The following JAKMIP1 variants were observed in gnomAD, a reference collection of about 807,000 sequenced individuals.
The protein encoded by JAKMIP1 is janus kinase and microtubule interacting protein 1.
In JAKMIP1, 33 loss-of-function variants were observed where a neutral mutation model predicts 113.0. The ratio of observed to expected loss-of-function variants is 0.29; its 90% CI spans 0.22 to 0.39. The LOEUF is 0.39. Ranked by LOEUF, JAKMIP1 falls within the 10% of genes least tolerant of loss-of-function variation. The pLI is 1.00. For synonymous variants in JAKMIP1, 480 were observed against 459.9 expected, an observed-to-expected ratio of 1.04 and a Z score of -0.56; for missense variants, 813 against 1,080.5, an observed-to-expected ratio of 0.75 and a Z score of 3.47.
chr4:6,087,255 C>T (rs557419285), intron 3 of JAKMIP1, among the ~76,000 whole-genome samples: 5 of 151,760 alleles, frequency 3.3e-5, no homozygotes, highest in Admixed American at 2.0e-4. Context: ...GCTAAAATCC[C>T]GCCCACCCCC....
intron 3 of JAKMIP1, among the ~76,000 whole-genome samples, chr4:6,090,902 A>T (rs999008990): frequency 6.6e-6 from 1 of 152,154 alleles, no homozygotes; most frequent in Non-Finnish European, 1.5e-5. Context: ...TGACGTCCTT[A>T]GAGTGTCAAA....
At position 6,185,990 on chromosome 4, in the gene JAKMIP1, C is replaced by T. The variant is rs1249955055; in HGVS notation, c.-148+14263G>A. Among the ~76,000 whole-genome samples, 1 of 151,910 alleles carries T rather than the reference C, an allele frequency of 6.6e-6. No individual in the cohort carries two copies. The highest frequency in any genetic ancestry group is 1.5e-5 in the Non-Finnish European group (1 of 68,000). ...AGTGTGGAGGTCATTTCCAATTGTG[C>T]TGGACAATAAGAGGGAGAAGAGGGG... On this transcript the variant is annotated intron_variant, in intron 1 of 20. Transcript: ENST00000409021. The surrounding 1 kb of genome is among the most constrained non-coding windows in gnomAD (Gnocchi z 5.3).
rs35131706 is a variant in JAKMIP1 at position 6,135,921 on chromosome 4, CA to C, written c.-147-22925del. 6.6e-6 allele frequency among the ~76,000 whole-genome samples: 1 copy of C among 151,918 alleles called. No individual in the cohort carries two copies. The highest frequency in any genetic ancestry group is 2.1e-4 in the South Asian group (1 of 4,790). On this transcript the variant is annotated intron_variant, in intron 1 of 20. Transcript: ENST00000409021. The surrounding 1 kb of genome is among the most constrained non-coding windows in gnomAD (Gnocchi z 4.9). ...TGGGGGGAGAGGTGGGGGGGGACAG[CA>C]AAAATAAGGAGTGAATGAAGTGTCC...
chr4:6,094,933 G>A lies in JAKMIP1; in HGVS notation c.625-9304C>T, dbSNP rs1019153097. ...TGGAAGGTAGAGGCTGCAGTGAGCT[G>A]TGATTGCACCACTGCACTCCAGCCT... On this transcript the variant is annotated intron_variant, in intron 3 of 20. Coordinates refer to ENST00000409021, the MANE Select transcript of JAKMIP1 (RefSeq NM_001099433.2). The surrounding 1 kb of genome is among the most constrained non-coding windows in gnomAD (Gnocchi z 4.2). 6.6e-6 allele frequency among the ~76,000 whole-genome samples: 1 copy of A among 151,932 alleles called. No individual in the cohort carries two copies. The highest frequency in any genetic ancestry group is 6.6e-5 in the Admixed American group (1 of 15,254).
intron 1 of JAKMIP1, among the ~76,000 whole-genome samples, chr4:6,126,521 C>CAA (rs1717670525): frequency 6.6e-6 from 1 of 151,044 alleles, no homozygotes; most frequent in African/African-American, 2.4e-5. Flanking sequence ...CACACATGCA[C>CAA]ACACACCATA....
At chr4:6,107,587 C>T (rs1002532171) in intron 2 of JAKMIP1, among the ~76,000 whole-genome samples, 13 of 152,180 alleles carry the variant, frequency 8.5e-5, no homozygotes, top group Non-Finnish European at 1.6e-4. Flanking sequence ...AGGTCCCCTG[C>T]GGAAGAAGGA....
chr4:6,105,469 G>A lies in JAKMIP1; in HGVS notation c.624+4C>T, dbSNP rs907709805. On this transcript the variant is annotated splice_donor_region_variant and intron_variant, in intron 3 of 20. Coordinates refer to ENST00000409021, the MANE Select transcript of JAKMIP1 (RefSeq NM_001099433.2). ...CCGCGGGCGGGGGAGGGGGCGGCACGTACCAGCCTGCGGATGTCGCGCTCG... is the reference window on the plus strand; with the variant it reads ...CCGCGGGCGGGGGAGGGGGCGGCACATACCAGCCTGCGGATGTCGCGCTCG... 3 of 1,592,290 alleles carry A rather than the reference G, an allele frequency of 1.9e-6. No individual in the cohort carries two copies. Among genetic ancestry groups the A allele is most frequent in the African/African-American group, 2.7e-5 (2 of 74,652 alleles).
intron 13 of JAKMIP1, among the ~76,000 whole-genome samples, chr4:6,052,368 C>T (rs1171859357): frequency 3.3e-5 from 5 of 152,026 alleles, no homozygotes; most frequent in Non-Finnish European, 5.9e-5. Context: ...TTTTGTAGGC[C>T]GGGCATGGTA....
intron 8 of JAKMIP1, among the ~76,000 whole-genome samples, chr4:6,070,611 G>A (rs551335895): frequency 8.4e-4 from 128 of 152,336 alleles, no homozygotes; most frequent in Non-Finnish European, 1.5e-3. Context: ...CCAGACAATC[G>A]CAAGGCCCCC....
Position 6,136,643 on chromosome 4 carries a change from A to G in JAKMIP1, c.-147-23646T>C, listed in dbSNP as rs564850501. Among the ~76,000 whole-genome samples the G allele has an allele frequency of 1.3e-5, 2 of 152,106 alleles. No homozygotes were observed. The highest frequency in any genetic ancestry group is 4.1e-4 in the South Asian group (2 of 4,820). On this transcript the variant is annotated intron_variant, in intron 1 of 20. Coordinates refer to ENST00000409021, the MANE Select transcript of JAKMIP1 (RefSeq NM_001099433.2). The surrounding 1 kb of genome is among the most constrained non-coding windows in gnomAD (Gnocchi z 5.9). ...TATCCTTTTCTTGCCTACTTTTCTG[A>G]TTTTTCATGGTGATTAGCACCCAGT...
intron 13 of JAKMIP1, 49 bp downstream of exon 13, chr4:6,054,001 A>C (rs1230609280): frequency 6.2e-7 from 1 of 1,613,906 alleles, no homozygotes; most frequent in South Asian, 1.1e-5. Context: ...TTGGGTTCAA[A>C]GAGAATGTCT....
chr4:6,165,090 G>C (rs2109009527), intron 1 of JAKMIP1, among the ~76,000 whole-genome samples: 1 of 152,286 alleles, frequency 6.6e-6, no homozygotes, highest in South Asian at 2.1e-4. Flanking sequence ...GAAATCTTTG[G>C]TGAAAGAGTC....
chr4:6,027,220 A>C (rs540208852), intron 20 of JAKMIP1, among the ~76,000 whole-genome samples: 1 of 152,216 alleles, frequency 6.6e-6, no homozygotes, highest in South Asian at 2.1e-4. Context: ...CTGAACATCA[A>C]CTGGGGCTTT....
At chr4:6,160,064 G>C (rs1210449520) in intron 1 of JAKMIP1, among the ~76,000 whole-genome samples, 2 of 152,164 alleles carry the variant, frequency 1.3e-5, no homozygotes, top group Non-Finnish European at 2.9e-5. Context: ...GCTGTTTGAA[G>C]AAAAGAGAGT....
Position 6,112,892 on chromosome 4 carries a change from C to T in JAKMIP1, c.-42G>A. On this transcript the variant is annotated 5_prime_UTR_variant, in exon 2 of 21. It adds an upstream start codon to the 5' untranslated region. Coordinates refer to ENST00000409021, the MANE Select transcript of JAKMIP1 (RefSeq NM_001099433.2). ...GAGTGCTGAGATCCTGCGGTCCACA[C>T]CTGTTCACGCACGCCAGCCAGCAGG... 3 of 1,596,184 alleles carry T rather than the reference C, an allele frequency of 1.9e-6. No individual in the cohort carries two copies. Among genetic ancestry groups the T allele is most frequent in the Non-Finnish European group, 2.6e-6 (3 of 1,168,676 alleles).
In JAKMIP1 at chr4:6,085,352, G is replaced by T; in HGVS notation, c.834+68C>A. On this transcript the variant is annotated intron_variant, in intron 4 of 20. Transcript: ENST00000409021. ...TGCCACCTCAGAGTCCTCTGTGGCT[G>T]ACCAGAAAAATGCCACCTAAATGGG... 2.1e-6 allele frequency: 3 copies of T among 1,427,496 alleles called. No homozygotes were observed. The South Asian group carries it at 3.6e-5, about 17-fold the overall frequency. The allele number at this position is 1,427,496 out of a possible 1,614,324, so 88.4% of individuals were successfully genotyped here. A position where few individuals can be genotyped will look rare whatever the true frequency, so the allele number is the denominator to read the frequency against.
At position 6,084,980 on chromosome 4, in the gene JAKMIP1, A is replaced by G; in HGVS notation, c.835-15T>C. ...ATATGTTGATCCTAAAAAAAAAAAA[A>G]AAAAAAAAAAAAAAGTCAAGACGTA... On this transcript the variant is annotated splice_polypyrimidine_tract_variant and intron_variant, in intron 4 of 20. Transcript: ENST00000409021. 6.5e-7 allele frequency: 1 copy of G among 1,545,042 alleles called. No homozygotes were observed. Among genetic ancestry groups the G allele is most frequent in the Non-Finnish European group, 8.7e-7 (1 of 1,153,736 alleles).
intron 1 of JAKMIP1, among the ~76,000 whole-genome samples, chr4:6,152,812 A>ATATATATATATATATATATACG (rs1240172013): frequency 8.3e-6 from 1 of 120,556 alleles, no homozygotes; most frequent in Non-Finnish European, 1.6e-5. Flanking sequence ...ATATATATAC[A>ATATATATATATATATATATACG]TATATATATA....
Position 6,081,760 on chromosome 4 carries a change from G to C in JAKMIP1, c.955-5C>G, listed in dbSNP as rs1578180956. ...GGTCTCTCGTGAGCGTTTCAGCTGT[G>C]GTTGGAAACAGACACAGAGGCTCAG... On this transcript the variant is annotated splice_polypyrimidine_tract_variant and splice_region_variant and intron_variant, in intron 5 of 20. Transcript: ENST00000409021. The surrounding 1 kb of genome is among the most constrained non-coding windows in gnomAD (Gnocchi z 4.6). 1 of 1,614,094 alleles carries C rather than the reference G, an allele frequency of 6.2e-7. No homozygotes were observed. Among genetic ancestry groups the C allele is most frequent in the South Asian group, 1.1e-5 (1 of 91,056 alleles).
Sources: allele counts gnomAD v4.1 joint callset (sites outside exome capture counted in the v4.1 genomes callset), GRCh38; gene constraint gnomAD v4.1.1; non-coding constraint Gnocchi (gnomAD v3.1); transcripts MANE v1.5; gene names NCBI Gene and HGNC (gene_info 2026-07-23, HGNC 2026-07-21).